The following COL4A2 variants were observed in gnomAD, a reference collection of about 807,000 sequenced individuals.
COL4A2 encodes collagen alpha-2(IV) chain.
A neutral mutation model predicts 200.2 loss-of-function variants in COL4A2; 99 were observed. That is an observed-to-expected ratio of 0.49 (90% CI 0.42 to 0.58). The LOEUF is 0.58. Ranked by LOEUF, COL4A2 falls within the 20% of genes least tolerant of loss-of-function variation. COL4A2 has a pLI of 0.00. For synonymous variants in COL4A2, 897 were observed against 900.6 expected (o/e 1.00, Z 0.07); for missense variants, 1,950 against 2,314.1 (o/e 0.84, Z 3.23).
At chr13:110,314,564 T>A (rs1885082637) in intron 3 of COL4A2, among the ~76,000 whole-genome samples, 1 of 152,202 alleles carries the variant, frequency 6.6e-6, no homozygotes, top group Admixed American at 6.5e-5. Flanking sequence ...GTGGAGTTTC[T>A]GCAGCACCAC....
intron 33 of COL4A2, among the ~76,000 whole-genome samples, chr13:110,485,243 G>A (rs1480123751): frequency 6.6e-6 from 1 of 152,218 alleles, no homozygotes; most frequent in East Asian, 1.9e-4. Context: ...TGCAGCACTG[G>A]CCGGGCGCGG....
chr13:110,506,317 C>G (rs571114586), intron 45 of COL4A2, 98 bp from the exon 46 acceptor site: 6 of 1,299,460 alleles, frequency 4.6e-6, no homozygotes, highest in African/African-American at 1.5e-5. Flanking sequence ...CTCTCTCTCT[C>G]TCTCTCAGGC....
chr13:110,467,699 G>A (rs778905735), intron 27 of COL4A2, among the ~76,000 whole-genome samples: 19 of 152,216 alleles, frequency 1.2e-4, no homozygotes, highest in African/African-American at 3.4e-4. Flanking sequence ...TCCCGCCTGC[G>A]CTGCGATTCT....
At chr13:110,320,117 C>T (rs989171046) in intron 3 of COL4A2, among the ~76,000 whole-genome samples, 2 of 152,274 alleles carry the variant, frequency 1.3e-5, no homozygotes, top group Admixed American at 1.3e-4. Context: ...GAATGTGTCT[C>T]TGTCCACCCG....
At chr13:110,374,806 C>T (rs1033549774) in intron 4 of COL4A2, among the ~76,000 whole-genome samples, 18 of 152,340 alleles carry the variant, frequency 1.2e-4, no homozygotes, top group African/African-American at 4.3e-4. Context: ...GCCGATTATA[C>T]TTCTGTAGTT....
At chr13:110,480,118 A>G in intron 30 of COL4A2, 102 bp from the exon 31 acceptor site, 2 of 1,269,118 alleles carry the variant, frequency 1.6e-6, no homozygotes, top group Non-Finnish European at 2.2e-6. Context: ...CTTTCCTTCT[A>G]AGGAGCTTTT....
intron 47 of COL4A2, among the ~76,000 whole-genome samples, chr13:110,510,706 T>C (rs922904473): frequency 2.0e-5 from 3 of 152,248 alleles, no homozygotes; most frequent in Admixed American, 6.5e-5. Flanking sequence ...CATGTGTGTG[T>C]GCGCAGCAAA....
intron 16 of COL4A2, among the ~76,000 whole-genome samples, chr13:110,440,325 A>G (rs1177644478): frequency 6.6e-6 from 1 of 152,182 alleles, no homozygotes; most frequent in East Asian, 1.9e-4. Flanking sequence ...GGCCAGGTGC[A>G]GTGGCTCATG....
intron 3 of COL4A2, among the ~76,000 whole-genome samples, chr13:110,344,703 A>G (rs1281500305): frequency 1.3e-5 from 2 of 152,124 alleles, no homozygotes; most frequent in Non-Finnish European, 1.5e-5. Flanking sequence ...CTCTCCTTAG[A>G]AATGCTTTCT....
intron 3 of COL4A2, among the ~76,000 whole-genome samples, chr13:110,324,793 C>T (rs1299287087): frequency 1.3e-5 from 2 of 152,210 alleles, no homozygotes; most frequent in Admixed American, 6.5e-5. Context: ...GGTGGGGCCT[C>T]CCGGCCCCTG....
chr13:110,501,827 C>T (rs1883654991), intron 41 of COL4A2, 43 bp downstream of exon 41: 1 of 1,572,682 alleles, frequency 6.4e-7, no homozygotes, highest in Non-Finnish European at 8.7e-7. Flanking sequence ...TCTCTAGGGG[C>T]AGGAGCTGGC....
chr13:110,329,594 A>T lies in COL4A2; in HGVS notation c.99+21471A>T, dbSNP rs1324887265. Among the ~76,000 whole-genome samples, 4 of 152,364 alleles carry T rather than the reference A, an allele frequency of 2.6e-5. No individual in the cohort carries two copies. The South Asian group carries it at 8.3e-4, about 32-fold the overall frequency. Reference sequence around the variant, plus strand: ...GGAAATAGAGGGCACAGGTGCAGTCATACCAAATACAGACAAAGGAAAAAT... The same window carrying T: ...GGAAATAGAGGGCACAGGTGCAGTCTTACCAAATACAGACAAAGGAAAAAT... On this transcript the variant is annotated intron_variant, in intron 3 of 47. Coordinates refer to ENST00000360467, the MANE Select transcript of COL4A2 (RefSeq NM_001846.4).
intron 27 of COL4A2, 129 bp from the exon 28 acceptor site, chr13:110,469,088 G>A: frequency 9.7e-7 from 1 of 1,032,730 alleles, no homozygotes; most frequent in Non-Finnish European, 1.4e-6. Context: ...GCTGTTTCAG[G>A]CTGATATTCC....
chr13:110,474,615 CAT>C (rs1435296236), intron 29 of COL4A2, among the ~76,000 whole-genome samples: 1 of 152,196 alleles, frequency 6.6e-6, no homozygotes, highest in African/African-American at 2.4e-5. Context: ...CACATGATCA[CAT>C]ACACACATGC....
Position 110,508,127 on chromosome 13 carries a change from C to CGGCCAT in COL4A2, c.4788_4793dup (p.Ala1597_Ile1598insMetAla). The CGGCCAT allele has an allele frequency of 6.2e-7, 1 of 1,614,260 alleles. No individual in the cohort carries two copies. On this transcript the variant is annotated inframe_insertion, in exon 47 of 48. Coordinates refer to ENST00000360467, the MANE Select transcript of COL4A2 (RefSeq NM_001846.4). This position sits in a 1 kb window ranked among gnomAD's most constrained non-coding sequence, Gnocchi z 6.1. ...AGCCGCTGTTCTGTGTGTGAGGCCC[C>CGGCCAT]GGCCATCGCCATCGCGGTCCACAGT...
intron 26 of COL4A2, 123 bp from the exon 27 acceptor site, chr13:110,466,917 A>G (rs1882260782): frequency 2.5e-6 from 3 of 1,179,636 alleles, no homozygotes; most frequent in Non-Finnish European, 3.7e-6. Flanking sequence ...TCATTAAGTT[A>G]CTCTGATCCC....
At chr13:110,469,931 A>ATTTTC (rs1882401450) in intron 28 of COL4A2, among the ~76,000 whole-genome samples, 3 of 31,240 alleles carry the variant, frequency 9.6e-5, no homozygotes, top group African/African-American at 1.6e-4. Flanking sequence ...TTTTTTTTTA[A>ATTTTC]TGAAATGGAA....
chr13:110,471,856 A>C (rs1033676926), intron 28 of COL4A2, among the ~76,000 whole-genome samples: 4 of 152,200 alleles, frequency 2.6e-5, no homozygotes, highest in African/African-American at 9.7e-5. Context: ...CTTGTCCCAC[A>C]GAATCACCTG....
intron 3 of COL4A2, among the ~76,000 whole-genome samples, chr13:110,321,288 A>AT (rs1885273454): frequency 6.6e-6 from 1 of 151,746 alleles, no homozygotes; most frequent in South Asian, 2.1e-4. Context: ...ACCTGTGTCC[A>AT]TTTTTAATAT....
Sources: gnomAD v4.1 joint callset for allele counts (sites outside exome capture counted in the v4.1 genomes callset) on GRCh38, gnomAD v4.1.1 for gene constraint, Gnocchi (gnomAD v3.1) non-coding constraint, MANE v1.5 for transcripts, NCBI Gene and HGNC (gene_info 2026-07-23, HGNC 2026-07-21) for gene names.